MDFIC2: variants seen among roughly 807,000 people sequenced by gnomAD.
MDFIC2 encodes MyoD family inhibitor domain containing 2, also known as myoD family inhibitor domain-containing protein 2.
chr3:70,274,455 A>AT (rs1409776737), intron 2 of MDFIC2, among the ~76,000 whole-genome samples: 3 of 151,648 alleles, frequency 2.0e-5, no homozygotes, highest in African/African-American at 7.3e-5. Flanking sequence ...TACAAGATAT[A>AT]TTTGAAAAGT....
chr3:70,239,576 T>C (rs1418424072), intron 2 of MDFIC2, among the ~76,000 whole-genome samples: 2 of 152,190 alleles, frequency 1.3e-5, no homozygotes, highest in Admixed American at 6.5e-5. Context: ...TAGAGACACA[T>C]AAATTCCAGC....
At chr3:70,296,915 G>T (rs1702294870) in intron 2 of MDFIC2, among the ~76,000 whole-genome samples, 1 of 151,428 alleles carries the variant, frequency 6.6e-6, no homozygotes, top group South Asian at 2.1e-4. Context: ...ACTTTCATAT[G>T]GCTAATAAAT....
At chr3:70,249,528 C>G (rs1274520985) in intron 2 of MDFIC2, 1 of 152,124 alleles carries the variant, frequency 6.6e-6, no homozygotes, top group Non-Finnish European at 1.5e-5. Flanking sequence ...ATCCTTTCCC[C>G]TCTCTCTTTT....
At chr3:70,287,843 C>A (rs1286718877) in intron 2 of MDFIC2, among the ~76,000 whole-genome samples, 1 of 151,604 alleles carries the variant, frequency 6.6e-6, no homozygotes, top group Non-Finnish European at 1.5e-5. Context: ...AGTTTATTTG[C>A]GTAGAGGTGT....
At chr3:70,259,781 G>A (rs1282477430) in intron 2 of MDFIC2, among the ~76,000 whole-genome samples, 1 of 152,092 alleles carries the variant, frequency 6.6e-6, no homozygotes, top group Non-Finnish European at 1.5e-5. Flanking sequence ...AAAACTGACC[G>A]AGACTGGGTC....
chr3:70,223,089 A>C (rs2106738209), intron 2 of MDFIC2, among the ~76,000 whole-genome samples: 1 of 152,270 alleles, frequency 6.6e-6, no homozygotes, highest in Non-Finnish European at 1.5e-5. Flanking sequence ...AAAATGTGGC[A>C]AGTCTTATGG....
chr3:70,255,860 T>A (rs1701810616), intron 2 of MDFIC2, among the ~76,000 whole-genome samples: 1 of 152,200 alleles, frequency 6.6e-6, no homozygotes, highest in Non-Finnish European at 1.5e-5. Context: ...CTTTAGAAAA[T>A]GCTTTAACTT....
intron 2 of MDFIC2, among the ~76,000 whole-genome samples, chr3:70,256,401 T>A (rs1433203749): frequency 1.3e-5 from 2 of 152,248 alleles, no homozygotes; most frequent in African/African-American, 4.8e-5. Flanking sequence ...TAAAATGCCA[T>A]GCTGACTGTA....
At chr3:70,295,333 A>C (rs1040717147) in intron 2 of MDFIC2, among the ~76,000 whole-genome samples, 1 of 152,180 alleles carries the variant, frequency 6.6e-6, no homozygotes, top group African/African-American at 2.4e-5. Flanking sequence ...ACATCTAGTG[A>C]GTCCAGATTT....
chr3:70,281,706 C>T (rs1329210078), intron 2 of MDFIC2, among the ~76,000 whole-genome samples: 1 of 152,110 alleles, frequency 6.6e-6, no homozygotes, highest in Non-Finnish European at 1.5e-5. Context: ...TTTTGCCCCA[C>T]CTCAAGTGAA....
chr3:70,260,640 A>C (rs1361661568), intron 2 of MDFIC2, among the ~76,000 whole-genome samples: 1 of 151,982 alleles, frequency 6.6e-6, no homozygotes, highest in East Asian at 1.9e-4. Flanking sequence ...ACTCCATGAA[A>C]GGTTACAACT....
intron 3 of MDFIC2, among the ~76,000 whole-genome samples, chr3:70,206,314 TA>T (rs917960803): frequency 3.3e-5 from 5 of 151,836 alleles, no homozygotes; most frequent in Admixed American, 2.0e-4. Flanking sequence ...CCCATAGCAA[TA>T]ATGATTATGT....
At chr3:70,253,473 G>A (rs74280908) in intron 2 of MDFIC2, among the ~76,000 whole-genome samples, 20,338 of 152,224 alleles carry the variant, frequency 0.13, 1,722 homozygotes, top group East Asian at 0.42. Context: ...GTTTCATCCA[G>A]CTGGGCACAG....
At position 70,203,407 on chromosome 3, in the gene MDFIC2, C is replaced by G. The variant is rs143219192; in HGVS notation, c.310+3162G>C. On this transcript the variant is annotated intron_variant, in intron 3 of 3. Transcript: ENST00000567252. ...ATAAAGAGTGATTGAATGCCTTTCT[C>G]TAGCTGGGGTATCATCCCTGATGTT... is the stretch of plus-strand genomic sequence containing the variant. 1.7e-3 allele frequency among the ~76,000 whole-genome samples: 265 copies of G among 152,224 alleles called. 1 individual carries two copies. Among genetic ancestry groups the G allele is most frequent in the African/African-American group, 6.2e-3 (256 of 41,566 alleles).
rs139076560 is a variant in MDFIC2, at chr3:70,245,586, C to T, written c.89-38796G>A. ...CTAGTAACTGGGTAATAAAGGGAAACGAGATTATAGTAAAAAATAAGTAAC... is the reference window on the plus strand; with the variant it reads ...CTAGTAACTGGGTAATAAAGGGAAATGAGATTATAGTAAAAAATAAGTAAC... On this transcript the variant is annotated intron_variant, in intron 2 of 3. Transcript: ENST00000567252. 1.7e-3 allele frequency among the ~76,000 whole-genome samples: 242 copies of T among 144,452 alleles called. 2 individuals carry two copies. The East Asian group carries it at 0.032, about 19-fold the overall frequency. The allele number at this position is 144,452 out of a possible 152,430, so 94.8% of individuals were successfully genotyped here.
chr3:70,248,365 T>C (rs1207451995), intron 2 of MDFIC2, among the ~76,000 whole-genome samples: 1 of 152,034 alleles, frequency 6.6e-6, no homozygotes, highest in Non-Finnish European at 1.5e-5. Flanking sequence ...TTGAAAAGCA[T>C]GTTATATTGA....
chr3:70,268,424 G>C (rs1701943493), intron 2 of MDFIC2, among the ~76,000 whole-genome samples: 1 of 139,036 alleles, frequency 7.2e-6, no homozygotes. Context: ...GCAGTGAGCA[G>C]AGATCGCATC....
chr3:70,231,926 A>C (rs537683904), intron 2 of MDFIC2, among the ~76,000 whole-genome samples: 30 of 152,238 alleles, frequency 2.0e-4, no homozygotes, highest in Non-Finnish European at 3.8e-4. Context: ...CTGATGCTAC[A>C]CCAAATAACA....
chr3:70,306,401 T>A (rs1375042585), intron 2 of MDFIC2, among the ~76,000 whole-genome samples: 1 of 152,160 alleles, frequency 6.6e-6, no homozygotes, highest in Non-Finnish European at 1.5e-5. Flanking sequence ...ATGAGCTACC[T>A]CACCCGGCCA....
Sources: allele counts gnomAD v4.1 joint callset (sites outside exome capture counted in the v4.1 genomes callset), GRCh38; gene constraint gnomAD v4.1.1; transcripts MANE v1.5; gene names NCBI Gene and HGNC (gene_info 2026-07-23, HGNC 2026-07-21).